Variants in SH3PXD2A observed in about 807,000 individuals in gnomAD.
SH3PXD2A encodes the protein SH3 and PX domains 2A.
In SH3PXD2A, 32 loss-of-function variants were observed where a neutral mutation model predicts 115.2. The ratio of observed to expected loss-of-function variants is 0.28; its 90% CI spans 0.21 to 0.37. The LOEUF is 0.37. SH3PXD2A is among the 10% of genes least tolerant of loss of function. SH3PXD2A has a pLI of 1.00. For missense variants in SH3PXD2A, 1,328 were observed against 1,498.7 expected (o/e 0.89, Z 1.88); for synonymous variants, 610 against 629.1 (o/e 0.97, Z 0.45).
chr10:103,654,374 G>A (rs761871935), intron 8 of SH3PXD2A, among the ~76,000 whole-genome samples: 3 of 152,100 alleles, frequency 2.0e-5, no homozygotes, highest in Non-Finnish European at 4.4e-5. Flanking sequence ...CCTCAGGAGT[G>A]ACAGTCCTCA....
At chr10:103,751,555 A>C (rs564563710) in intron 3 of SH3PXD2A, among the ~76,000 whole-genome samples, 1 of 152,338 alleles carries the variant, frequency 6.6e-6, no homozygotes, top group South Asian at 2.1e-4. Flanking sequence ...ATCTGGCCCT[A>C]GGTTCCACCC....
chr10:103,692,862 G>C (rs1276403629), intron 6 of SH3PXD2A, among the ~76,000 whole-genome samples, 166 bp downstream of exon 6: 1 of 152,182 alleles, frequency 6.6e-6, no homozygotes, highest in African/African-American at 2.4e-5. Flanking sequence ...CATGGACTGA[G>C]GAGGGGCAAG....
chr10:103,598,900 GA>G lies in SH3PXD2A; in HGVS notation c.*2915del, dbSNP rs2036175649. On this transcript the variant is annotated 3_prime_UTR_variant, in exon 15 of 15. Coordinates refer to ENST00000369774, the MANE Select transcript of SH3PXD2A (RefSeq NM_001394015.1). ...GGGTTTGTGCTGTGAGTTAGGGGGT[GA>G]GGGGGCGAGGTGCGAAGACTGGGGC... 1 of 152,548 alleles carries G rather than the reference GA, an allele frequency of 6.6e-6. No homozygotes were observed. The highest frequency in any genetic ancestry group is 1.5e-5 in the Non-Finnish European group (1 of 68,056). 9.4% of individuals were successfully genotyped at this position (152,548 alleles called of 1,614,324 possible). A position where few individuals can be genotyped will look rare whatever the true frequency, so the allele number is the denominator to read the frequency against.
chr10:103,663,041 G>A (rs1455670226), intron 7 of SH3PXD2A, among the ~76,000 whole-genome samples: 1 of 152,100 alleles, frequency 6.6e-6, no homozygotes, highest in African/African-American at 2.4e-5. Flanking sequence ...CTGGGCTCAA[G>A]TGATCCTCCC....
chr10:103,703,561 T>A (rs1472993731), intron 5 of SH3PXD2A, among the ~76,000 whole-genome samples: 1 of 152,152 alleles, frequency 6.6e-6, no homozygotes, highest in Non-Finnish European at 1.5e-5. Flanking sequence ...TAGCACTGAA[T>A]GTTCCAATTC....
chr10:103,601,798 A>T lies in SH3PXD2A; in HGVS notation c.*18T>A. On this transcript the variant is annotated 3_prime_UTR_variant, in exon 15 of 15. Transcript: ENST00000369774. ...GGCCAGAGAGGCACACTGAGGCTGG[A>T]AGAGCCCAGGCCCTCTGCTAGTTCT... 6.6e-7 allele frequency: 1 copy of T among 1,525,946 alleles called. No homozygotes were observed. Among genetic ancestry groups the T allele is most frequent in the Non-Finnish European group, 8.8e-7 (1 of 1,135,700 alleles). 94.5% of individuals were successfully genotyped at this position (1,525,946 alleles called of 1,614,324 possible).
intron 5 of SH3PXD2A, among the ~76,000 whole-genome samples, chr10:103,701,103 TCTA>T (rs1430344468): frequency 0.079 from 1,075 of 13,588 alleles, 205 homozygotes; most frequent in African/African-American, 0.24. Context: ...CATCTATCCA[TCTA>T]CCATCCAGCC....
chr10:103,848,550 C>A (rs1021258069), intron 1 of SH3PXD2A, among the ~76,000 whole-genome samples: 3 of 152,242 alleles, frequency 2.0e-5, no homozygotes, highest in Admixed American at 2.0e-4. Context: ...CCTCTCAGAG[C>A]TGGCCCTGAG....
intron 1 of SH3PXD2A, among the ~76,000 whole-genome samples, chr10:103,810,136 ACT>A (rs974308944): frequency 1.7e-4 from 26 of 152,176 alleles, no homozygotes; most frequent in African/African-American, 6.0e-4. Context: ...CAGGGAGCTG[ACT>A]CTGTGTCTCC....
At chr10:103,711,976 G>A (rs555081286) in intron 5 of SH3PXD2A, among the ~76,000 whole-genome samples, 24 of 152,058 alleles carry the variant, frequency 1.6e-4, no homozygotes, top group African/African-American at 4.6e-4. Context: ...GGCCTGGGAC[G>A]TCAAGGCTGC....
intron 1 of SH3PXD2A, among the ~76,000 whole-genome samples, chr10:103,851,452 C>G (rs1589485351): frequency 6.6e-6 from 1 of 152,196 alleles, no homozygotes; most frequent in Non-Finnish European, 1.5e-5. Context: ...CTGTACTGCT[C>G]TGTCACCATG....
At position 103,746,184 on chromosome 10, in the gene SH3PXD2A, TGTCTGCTA is replaced by T. The variant is rs1303433465; in HGVS notation, c.230-10384_230-10377del. On this transcript the variant is annotated intron_variant, in intron 3 of 14. Coordinates refer to ENST00000369774, the MANE Select transcript of SH3PXD2A (RefSeq NM_001394015.1). This position sits in a 1 kb window ranked among gnomAD's most constrained non-coding sequence, Gnocchi z 4.4. The stretch of plus-strand genomic sequence containing the variant: ...GGTGGGTCAACTGGGATTTTATGGG[TGTCTGCTA>T]GTGATAAAGCACCTAGTCCCAGGCC... 1 of 152,244 alleles carries T rather than the reference TGTCTGCTA, an allele frequency of 6.6e-6. No homozygotes were observed. The highest frequency in any genetic ancestry group is 6.5e-5 in the Admixed American group (1 of 15,282). The allele number at this position is 152,244 out of a possible 1,614,324, so 9.4% of individuals were successfully genotyped here.
chr10:103,810,343 C>T (rs57363866), intron 1 of SH3PXD2A, among the ~76,000 whole-genome samples: 305 of 152,340 alleles, frequency 2.0e-3, no homozygotes, highest in African/African-American at 6.7e-3. Flanking sequence ...AAGCATCCAA[C>T]CTCCAGGCCC....
Position 103,627,134 on chromosome 10 carries a change from C to T in SH3PXD2A, c.673G>A (p.Gly225Ser). The change falls in exon 9 of 15, where the codon GGT (glycine) becomes AGT (serine). Residue 225 changes from glycine (G) to serine (S), a missense_variant. This residue lies in a region of SH3PXD2A where 509 missense variants were observed against 628.3 expected (regional missense o/e 0.81). Transcript: ENST00000369774. This position sits in a 1 kb window ranked among gnomAD's most constrained non-coding sequence, Gnocchi z 4.4. Reference protein sequence around the residue: ...VPATYLEAQNGTRDDSDINTS... With the variant: ...VPATYLEAQNSTRDDSDINTS... ...TTGATGTCGGAGTCATCCCGAGTAC[C>T]ATTCTGGGCCTCCAGGTAGGTGGCA... 1 of 1,612,736 alleles carries T rather than the reference C, an allele frequency of 6.2e-7. No homozygotes were observed. The highest frequency in any genetic ancestry group is 8.5e-7 in the Non-Finnish European group (1 of 1,179,274).
chr10:103,690,876 A>G (rs953821655), intron 6 of SH3PXD2A, among the ~76,000 whole-genome samples: 1 of 152,064 alleles, frequency 6.6e-6, no homozygotes, highest in Middle Eastern at 3.4e-3. Flanking sequence ...CTGGCTTCAG[A>G]GCTGGCATTT....
intron 3 of SH3PXD2A, among the ~76,000 whole-genome samples, chr10:103,760,384 C>G (rs922407418): frequency 8.5e-5 from 13 of 152,082 alleles, no homozygotes; most frequent in African/African-American, 3.1e-4. Flanking sequence ...GCCTAAGCAA[C>G]ATGATAAAAC....
chr10:103,652,117 C>T (rs909218367), intron 8 of SH3PXD2A, among the ~76,000 whole-genome samples: 9 of 152,316 alleles, frequency 5.9e-5, no homozygotes, highest in Middle Eastern at 6.8e-3. Flanking sequence ...GGGAGGCAAA[C>T]GAACTTTAGC....
intron 6 of SH3PXD2A, among the ~76,000 whole-genome samples, chr10:103,682,093 A>AT (rs2037617558): frequency 6.6e-6 from 1 of 152,216 alleles, no homozygotes; most frequent in South Asian, 2.1e-4. Context: ...AAACTGGGTG[A>AT]TAGGAGTGAG....
intron 6 of SH3PXD2A, among the ~76,000 whole-genome samples, chr10:103,680,404 G>A (rs2037593218): frequency 6.6e-6 from 1 of 151,858 alleles, no homozygotes; most frequent in Admixed American, 6.6e-5. Flanking sequence ...TTGCCCTCCC[G>A]AGTAGCTGAA....
Sources: gnomAD v4.1 joint callset for allele counts (sites outside exome capture counted in the v4.1 genomes callset) on GRCh38, gnomAD v4.1.1 for gene constraint, gnomAD v4.1.1 regional missense constraint, Gnocchi (gnomAD v3.1) non-coding constraint, MANE v1.5 for transcripts, NCBI Gene and HGNC (gene_info 2026-07-23, HGNC 2026-07-21) for gene names.